Variants in PCNX1 observed in about 807,000 individuals in gnomAD.
The protein encoded by PCNX1 is pecanex-like protein 1.
Under a neutral mutation model 242.2 loss-of-function variants are expected in PCNX1, and 78 were observed. That is an observed-to-expected ratio of 0.32 (90% CI 0.27 to 0.39). The LOEUF is 0.39. Among genes scored for constraint, PCNX1 ranks in the 10% least tolerant of loss-of-function variants. The probability of loss-of-function intolerance (pLI) is 1.00; values close to 1 mark genes in which losing one functional copy is unlikely to be tolerated. For synonymous variants in PCNX1, 1,024 were observed against 1,032.9 expected (o/e 0.99, Z 0.17); for missense variants, 2,581 against 2,856.5 (o/e 0.90, Z 2.20).
In PCNX1 at chr14:70,947,092, T is replaced by G. The variant is rs774787427; in HGVS notation, c.331T>G (p.Ser111Ala). 5 of 1,612,626 alleles carry G rather than the reference T, an allele frequency of 3.1e-6. No homozygotes were observed. The Admixed American group carries it at 6.7e-5, about 22-fold the overall frequency. The change falls in exon 2 of 36, where the codon TCA becomes GCA. Residue 111 changes from serine to alanine, a missense_variant. This residue lies in a region of PCNX1 where 1,204 missense variants were observed against 1,216.7 expected (regional missense o/e 0.99). Transcript: ENST00000304743. ...QRTKAEQGNC[S>A]TRRKDSNGPS... ...AACCAAAGCTGAACAAGGCAACTGT[T>G]CAACCAGGAGAAAAGACAGCAATGG...
chr14:71,070,052 A>G (rs2061551355), intron 26 of PCNX1, among the ~76,000 whole-genome samples: 1 of 152,206 alleles, frequency 6.6e-6, no homozygotes, highest in Non-Finnish European at 1.5e-5. Context: ...TTGTCATTTT[A>G]ACCAAGGCTC....
chr14:71,018,522 A>G (rs1454160938), intron 11 of PCNX1, among the ~76,000 whole-genome samples: 2 of 152,068 alleles, frequency 1.3e-5, no homozygotes, highest in East Asian at 3.8e-4. Flanking sequence ...ATTCTTTCAG[A>G]TGACTGAGAG....
intron 1 of PCNX1, among the ~76,000 whole-genome samples, chr14:70,910,960 C>G (rs750919596): frequency 5.9e-5 from 9 of 152,086 alleles, no homozygotes; most frequent in Non-Finnish European, 1.0e-4. Context: ...GGGGATGAAC[C>G]CTAGACCAGG....
rs191979320 is a variant in PCNX1, at chr14:71,111,238, C to T, written c.*1303C>T. 1 of 152,162 alleles carries T rather than the reference C, an allele frequency of 6.6e-6. No homozygotes were observed. 9.4% of individuals were successfully genotyped at this position (152,162 alleles called of 1,614,324 possible). A position where few individuals can be genotyped will look rare whatever the true frequency, so the allele number is the denominator to read the frequency against. On this transcript the variant is annotated 3_prime_UTR_variant, in exon 36 of 36. Coordinates refer to ENST00000304743, the MANE Select transcript of PCNX1 (RefSeq NM_014982.3). ...TATATTACTCATATTTACAATTGGG[C>T]GATATAGGAACTTCAATTTAGATTT...
intron 2 of PCNX1, among the ~76,000 whole-genome samples, chr14:70,955,203 A>G (rs2057946256): frequency 6.6e-6 from 1 of 152,198 alleles, no homozygotes; most frequent in Non-Finnish European, 1.5e-5. Flanking sequence ...GAATACAAAC[A>G]TTTGAAGAAA....
chr14:71,011,693 C>A, intron 10 of PCNX1, 144 bp downstream of exon 10: 1 of 605,228 alleles, frequency 1.7e-6, no homozygotes. Context: ...CACTTTGCTG[C>A]CCTCCAGTGG....
intron 7 of PCNX1, among the ~76,000 whole-genome samples, chr14:70,993,423 T>C (rs2059231551): frequency 6.6e-6 from 1 of 152,152 alleles, no homozygotes; most frequent in South Asian, 2.1e-4. Flanking sequence ...CCACCGTGCC[T>C]GGCCAAATTG....
In PCNX1 at chr14:71,023,252, G is replaced by A; in HGVS notation, c.3183+20G>A. ...AGACATGTAAGTCACTCTTAATATG[G>A]CTGTACATTATAGGTCCTTAACATT... On this transcript the variant is annotated intron_variant, in intron 13 of 35. Coordinates refer to ENST00000304743, the MANE Select transcript of PCNX1 (RefSeq NM_014982.3). 1.9e-6 allele frequency: 3 copies of A among 1,553,958 alleles called. No individual in the cohort carries two copies. Among genetic ancestry groups the A allele is most frequent in the South Asian group, 1.1e-5 (1 of 89,868 alleles).
rs536947285 is a variant in PCNX1 at position 71,005,329 on chromosome 14, C to T, written c.2630-4305C>T. ...GACCAGCCTGGGCAGCATAGCAAGA[C>T]CCCCATCTCTACAAAAAAGTTTTAA... On this transcript the variant is annotated intron_variant, in intron 8 of 35. Transcript: ENST00000304743. Among the ~76,000 whole-genome samples, 4 of 152,192 alleles carry T rather than the reference C, an allele frequency of 2.6e-5. No homozygotes were observed. In the East Asian group the frequency reaches 7.7e-4, roughly 29 times the overall value.
At chr14:71,108,455 T>C (rs890113001) in intron 33 of PCNX1, 149 bp from the exon 34 acceptor site, 3 of 556,544 alleles carry the variant, frequency 5.4e-6, no homozygotes, top group African/African-American at 3.8e-5. Context: ...TATTTCTTTT[T>C]CTTAACTTTA....
At chr14:71,026,373 C>T in intron 14 of PCNX1, 85 bp downstream of exon 14, 1 of 824,592 alleles carries the variant, frequency 1.2e-6, no homozygotes, top group South Asian at 2.4e-5. Context: ...AATTATACAG[C>T]TTTAGTTTTT....
chr14:71,114,249 C>T lies in PCNX1; in HGVS notation c.*4314C>T, dbSNP rs1212094339. The stretch of plus-strand genomic sequence containing the variant: ...TAAAAATAAGTATTAAAAAGCCAAT[C>T]GTTTTCTCCATTTATCTATCTTTTT... On this transcript the variant is annotated 3_prime_UTR_variant, in exon 36 of 36. Transcript: ENST00000304743. The T allele has an allele frequency of 6.6e-6, 1 of 152,064 alleles. No individual in the cohort carries two copies. Among genetic ancestry groups the T allele is most frequent in the Non-Finnish European group, 1.5e-5 (1 of 68,012 alleles). 9.4% of individuals were successfully genotyped at this position (152,064 alleles called of 1,614,324 possible). A position where few individuals can be genotyped will look rare whatever the true frequency, so the allele number is the denominator to read the frequency against.
intron 26 of PCNX1, among the ~76,000 whole-genome samples, chr14:71,067,518 A>G (rs2061478517): frequency 6.7e-6 from 1 of 150,276 alleles, no homozygotes; most frequent in Admixed American, 6.6e-5. Flanking sequence ...CATTTGTCTG[A>G]CTATTGTTCT....
rs1423494044 is a variant in PCNX1, at chr14:71,111,664, A to G, written c.*1729A>G. On this transcript the variant is annotated 3_prime_UTR_variant, in exon 36 of 36. Transcript: ENST00000304743. ...GAAGGAATGAAAACTAAGAAAGTAA[A>G]TAGTGAACATACAGAACTTACTGCA... 9 of 152,158 alleles carry G rather than the reference A, an allele frequency of 5.9e-5. No homozygotes were observed. The allele number at this position is 152,158 out of a possible 1,614,324, so 9.4% of individuals were successfully genotyped here. A position where few individuals can be genotyped will look rare whatever the true frequency, so the allele number is the denominator to read the frequency against.
intron 3 of PCNX1, 107 bp downstream of exon 3, chr14:70,962,438 T>C (rs2058249818): frequency 4.7e-6 from 3 of 640,446 alleles, no homozygotes; most frequent in Non-Finnish European, 8.5e-6. Context: ...TCTTTCTGAT[T>C]ATTATTTTTA....
At chr14:70,972,699 G>A (rs1211812821) in intron 5 of PCNX1, among the ~76,000 whole-genome samples, 4 of 152,142 alleles carry the variant, frequency 2.6e-5, no homozygotes, top group Non-Finnish European at 4.4e-5. Flanking sequence ...CACTCATTTT[G>A]TCACATGATT....
intron 16 of PCNX1, 72 bp from the exon 17 acceptor site, chr14:71,033,357 C>A (rs1442028424): frequency 6.9e-6 from 5 of 724,298 alleles, no homozygotes; most frequent in East Asian, 5.4e-5. Context: ...TTCCAAAATA[C>A]GTACATAAAA....
chr14:70,965,662 CAA>C (rs11453401), intron 3 of PCNX1, among the ~76,000 whole-genome samples: 2 of 91,118 alleles, frequency 2.2e-5, no homozygotes, highest in Admixed American at 1.3e-4. Context: ...GACTCCGTCT[CAA>C]AAAAAAAAAA....
At chr14:71,091,996 G>GTA (rs2062146516) in intron 30 of PCNX1, among the ~76,000 whole-genome samples, 1 of 152,174 alleles carries the variant, frequency 6.6e-6, no homozygotes, top group African/African-American at 2.4e-5. Context: ...GTTTAGTGCA[G>GTA]TACCATAAAC....
Sources: gnomAD v4.1 joint callset for allele counts (sites outside exome capture counted in the v4.1 genomes callset) on GRCh38, gnomAD v4.1.1 for gene constraint, gnomAD v4.1.1 regional missense constraint, MANE v1.5 for transcripts, NCBI Gene and HGNC (gene_info 2026-07-23, HGNC 2026-07-21) for gene names.